Variants in NXPE2 observed in about 807,000 individuals in gnomAD.
The protein encoded by NXPE2 is neurexophilin and PC-esterase domain family member 2.
In NXPE2, 34 loss-of-function variants were observed where a neutral mutation model predicts 34.4. The ratio of observed to expected loss-of-function variants is 0.99; its 90% CI spans 0.75 to 1.31. The LOEUF (loss-of-function observed/expected upper bound fraction) is 1.31, where lower values mean the gene tolerates loss of function less well. NXPE2 is among the 40% of genes most tolerant of loss of function. NXPE2 has a pLI of 0.00. For missense variants in NXPE2, 649 were observed against 672.5 expected, an observed-to-expected ratio of 0.97 and a Z score of 0.39; for synonymous variants, 235 against 231.3, an observed-to-expected ratio of 1.02 and a Z score of -0.15.
At chr11:114,536,294 G>C in the NXPE2 span, among the ~76,000 whole-genome samples, 1 of 152,156 alleles carries the variant, frequency 6.6e-6, no homozygotes, top group Non-Finnish European at 1.5e-5. Context: ...TGTGTAGAGG[G>C]AAATTTATAG....
the NXPE2 span, among the ~76,000 whole-genome samples, chr11:114,766,954 C>T: frequency 6.6e-6 from 1 of 151,942 alleles, no homozygotes; most frequent in Admixed American, 6.6e-5. Flanking sequence ...ATTCTCTTAC[C>T]CCAGGAAGAA....
chr11:114,612,471 C>G, the NXPE2 span, among the ~76,000 whole-genome samples: 1 of 151,612 alleles, frequency 6.6e-6, no homozygotes, highest in South Asian at 2.1e-4. Context: ...AGTGTTGCCT[C>G]ATGGGAAACC....
the NXPE2 span, among the ~76,000 whole-genome samples, chr11:114,632,494 A>C: frequency 8.0e-6 from 1 of 125,318 alleles, no homozygotes; most frequent in Non-Finnish European, 1.6e-5. Flanking sequence ...TCCATAATAT[A>C]TATTATAGTA....
At chr11:114,593,290 A>G in the NXPE2 span, among the ~76,000 whole-genome samples, 1 of 152,186 alleles carries the variant, frequency 6.6e-6, no homozygotes, top group Non-Finnish European at 1.5e-5. Flanking sequence ...ACAGGGGATT[A>G]CTATCCAGAG....
At chr11:114,664,799 C>T in the NXPE2 span, among the ~76,000 whole-genome samples, 1 of 152,084 alleles carries the variant, frequency 6.6e-6, no homozygotes, top group Non-Finnish European at 1.5e-5. Context: ...GGCAGGGCAG[C>T]GGCAGAGAGC....
Position 114,685,021 on chromosome 11 carries a change from G to T in NXPE2, c.132+5259G>T, listed in dbSNP as rs183550829. 3.9e-5 allele frequency among the ~76,000 whole-genome samples: 6 copies of T among 152,242 alleles called. No homozygotes were observed. The East Asian group carries it at 1.2e-3, about 29-fold the overall frequency. On this transcript the variant is annotated intron_variant, in intron 2 of 5. Coordinates refer to ENST00000389586, the MANE Select transcript of NXPE2 (RefSeq NM_182495.6). ...CATGATCTTCTATAAATGAGTAAAA[G>T]AATCCAGTTGGTCAAAAAGTGACAG...
intron 3 of NXPE2, among the ~76,000 whole-genome samples, chr11:114,703,672 AGATAGATAGATAGATAGATAGATAGAT>A (rs760915294): frequency 0.11 from 2,856 of 27,110 alleles, 47 homozygotes; most frequent in African/African-American, 0.2. Context: ...ATAGATAGAT[AGATAGATAGATAGATAGATAGATAGAT>A]GATAGATAGA....
At chr11:114,714,838 ATGG>A in the NXPE2 span, among the ~76,000 whole-genome samples, 2 of 152,194 alleles carry the variant, frequency 1.3e-5, no homozygotes, top group Non-Finnish European at 2.9e-5. Context: ...CCTGGCCAAT[ATGG>A]TGAAACTCCG....
At chr11:114,614,291 G>A in the NXPE2 span, among the ~76,000 whole-genome samples, 27,168 of 150,484 alleles carry the variant, frequency 0.18, 2,788 homozygotes, top group Non-Finnish European at 0.22. Flanking sequence ...CCTGTTACCC[G>A]GTGGATAGTA....
At chr11:114,584,292 T>A in the NXPE2 span, 1 of 511,430 alleles carries the variant, frequency 2.0e-6, no homozygotes, top group South Asian at 1.5e-5. Context: ...CCTACATCAG[T>A]CCTTCCAATA....
At chr11:114,789,819 A>G in the NXPE2 span, among the ~76,000 whole-genome samples, 1 of 152,142 alleles carries the variant, frequency 6.6e-6, no homozygotes, top group South Asian at 2.1e-4. Context: ...CATCCTTGCT[A>G]TTAATTTACT....
chr11:114,583,933 G>A, the NXPE2 span: 1 of 390,842 alleles, frequency 2.6e-6, no homozygotes. Context: ...TTAACTATCT[G>A]CTCCTAGATG....
At chr11:114,751,518 G>C in the NXPE2 span, among the ~76,000 whole-genome samples, 82 of 152,042 alleles carry the variant, frequency 5.4e-4, no homozygotes, top group Non-Finnish European at 1.0e-3. Flanking sequence ...TTTTTAATGG[G>C]CTGGACAGAC....
chr11:114,748,244 A>G, the NXPE2 span, among the ~76,000 whole-genome samples: 1 of 152,136 alleles, frequency 6.6e-6, no homozygotes, highest in African/African-American at 2.4e-5. Context: ...TTTTCCTGAG[A>G]TGTTTGGGAG....
the NXPE2 span, among the ~76,000 whole-genome samples, chr11:114,640,591 C>G: frequency 6.6e-5 from 10 of 151,798 alleles, no homozygotes; most frequent in East Asian, 1.9e-4. Flanking sequence ...TAAGTGTTCC[C>G]TTTTCACCAC....
the NXPE2 span, among the ~76,000 whole-genome samples, chr11:114,568,788 C>G: frequency 6.6e-6 from 1 of 152,114 alleles, no homozygotes; most frequent in Non-Finnish European, 1.5e-5. Context: ...CATGCCGTTA[C>G]CCTATCACTG....
the NXPE2 span, among the ~76,000 whole-genome samples, chr11:114,542,084 C>G: frequency 6.6e-6 from 1 of 152,076 alleles, no homozygotes; most frequent in Non-Finnish European, 1.5e-5. Flanking sequence ...AGATTTTTTG[C>G]TAGGGTCATT....
the NXPE2 span, among the ~76,000 whole-genome samples, chr11:114,655,992 C>G: frequency 2.0e-5 from 3 of 152,166 alleles, no homozygotes; most frequent in African/African-American, 4.8e-5. Context: ...CAAATTGTCT[C>G]TCTTTGCAGA....
chr11:114,691,100 A>G (rs999864254), intron 2 of NXPE2, among the ~76,000 whole-genome samples: 3 of 152,036 alleles, frequency 2.0e-5, no homozygotes, highest in Non-Finnish European at 4.4e-5. Context: ...TAGTTAATAT[A>G]CATTGTTTGT....
Sources: gnomAD v4.1 joint callset for allele counts (sites outside exome capture counted in the v4.1 genomes callset) on GRCh38, gnomAD v4.1.1 for gene constraint, MANE v1.5 for transcripts, NCBI Gene and HGNC (gene_info 2026-07-23, HGNC 2026-07-21) for gene names.